The following PDE1A variants were observed in gnomAD, a reference collection of about 807,000 sequenced individuals.
The protein encoded by PDE1A is phosphodiesterase 1A, also known as dual specificity calcium/calmodulin-dependent 3',5'-cyclic nucleotide phosphodiesterase 1A.
In PDE1A, 35 loss-of-function variants were observed where a neutral mutation model predicts 61.7. That is an observed-to-expected ratio of 0.57 (90% CI 0.43 to 0.75). The LOEUF is 0.75. Ranked by LOEUF, PDE1A falls within the 30% of genes least tolerant of loss-of-function variation. The pLI, the probability that PDE1A is intolerant of heterozygous loss-of-function variation, is 0.00. For missense variants in PDE1A, 597 were observed against 630.6 expected, an observed-to-expected ratio of 0.95 and a Z score of 0.57; for synonymous variants, 232 against 213.2, an observed-to-expected ratio of 1.09 and a Z score of -0.77.
chr2:182,295,165 C>G (rs1272375518), intron 1 of PDE1A, among the ~76,000 whole-genome samples: 1 of 144,826 alleles, frequency 6.9e-6, no homozygotes, highest in Non-Finnish European at 1.5e-5. Context: ...AGCTCTGCCT[C>G]CCGAGTTCAC....
At chr2:182,428,754 A>G (rs1703768787), upstream of PDE1A, among the ~76,000 whole-genome samples, 2 of 152,156 alleles carry the variant, frequency 1.3e-5, no homozygotes, top group South Asian at 2.1e-4. Flanking sequence ...TGGTTTACCT[A>G]TATTACCATT....
intron 2 of PDE1A, among the ~76,000 whole-genome samples, chr2:182,446,444 G>C (rs1324248014): frequency 6.6e-6 from 1 of 152,098 alleles, no homozygotes; most frequent in African/African-American, 2.4e-5. Flanking sequence ...TTAAACATTT[G>C]TTAAATTGAG....
chr2:182,538,091 G>A, the PDE1A span, among the ~76,000 whole-genome samples: 5 of 152,024 alleles, frequency 3.3e-5, no homozygotes, highest in South Asian at 2.1e-4. Context: ...AACTCTTTCC[G>A]GAGTTAGGTC....
At chr2:182,364,490 A>ACAAAAAAAAAC (rs979072117) in intron 1 of PDE1A, among the ~76,000 whole-genome samples, 1 of 144,000 alleles carries the variant, frequency 6.9e-6, no homozygotes, top group South Asian at 2.3e-4. Flanking sequence ...AAAAAAAAAA[A>ACAAAAAAAAAC]AAAAAAAAAC....
chr2:182,155,975 C>G (rs1187470315), intron 13 of PDE1A, among the ~76,000 whole-genome samples: 2 of 152,170 alleles, frequency 1.3e-5, no homozygotes, highest in Non-Finnish European at 2.9e-5. Context: ...CCATGCTGTT[C>G]TCATGGTAGT....
intron 1 of PDE1A, among the ~76,000 whole-genome samples, chr2:182,347,829 AG>A (rs1698608948): frequency 6.6e-6 from 1 of 152,190 alleles, no homozygotes; most frequent in Admixed American, 6.6e-5. Context: ...TTTAACAGAG[AG>A]GATCAGAAAT....
chr2:182,151,372 T>C (rs1690770651), intron 13 of PDE1A, among the ~76,000 whole-genome samples: 1 of 152,210 alleles, frequency 6.6e-6, no homozygotes, highest in South Asian at 2.1e-4. Context: ...CCCAAAGTGC[T>C]GGGATTACAG....
exon 15 of PDE1A, chr2:182,140,971 T>C (rs1375688773): frequency 6.6e-6 from 1 of 150,994 alleles, no homozygotes; most frequent in Non-Finnish European, 1.5e-5. Flanking sequence ...TTTTTTTTAC[T>C]GTCTCTGGAA....
chr2:182,608,922 A>C, the PDE1A span, among the ~76,000 whole-genome samples: 1 of 152,216 alleles, frequency 6.6e-6, no homozygotes, highest in African/African-American at 2.4e-5. Context: ...TACCCCAATC[A>C]GCACTCTGTA....
chr2:182,601,241 C>A, the PDE1A span, among the ~76,000 whole-genome samples: 1 of 152,214 alleles, frequency 6.6e-6, no homozygotes, highest in African/African-American at 2.4e-5. Context: ...CATAGTCACA[C>A]TGGCTGCTGC....
At chr2:182,362,644 G>T (rs1182000943) in intron 1 of PDE1A, among the ~76,000 whole-genome samples, 2 of 151,812 alleles carry the variant, frequency 1.3e-5, no homozygotes, top group African/African-American at 4.8e-5. Flanking sequence ...TGTGGTTGTT[G>T]TTGTGGAAGA....
chr2:182,248,290 G>A (rs574391282), intron 2 of PDE1A, among the ~76,000 whole-genome samples: 8 of 151,202 alleles, frequency 5.3e-5, no homozygotes, highest in East Asian at 1.9e-4. Flanking sequence ...TTCTTAAAAC[G>A]TGCTATACAG....
At chr2:182,348,526 T>A (rs185652108) in intron 1 of PDE1A, among the ~76,000 whole-genome samples, 2 of 152,098 alleles carry the variant, frequency 1.3e-5, no homozygotes, top group African/African-American at 4.8e-5. Flanking sequence ...TCAGGGAATT[T>A]CTCCTGGTTC....
At chr2:182,550,401 C>A in the PDE1A span, among the ~76,000 whole-genome samples, 1,840 of 152,194 alleles carry the variant, frequency 0.012, 40 homozygotes, top group African/African-American at 0.042. Context: ...ATGCTCTGGG[C>A]AACTATTATA....
intron 1 of PDE1A, among the ~76,000 whole-genome samples, chr2:182,368,395 A>G (rs1559383498): frequency 6.7e-6 from 1 of 150,268 alleles, no homozygotes; most frequent in African/African-American, 2.5e-5. Flanking sequence ...GTCTCCTTCA[A>G]TACATAACAT....
intron 1 of PDE1A, among the ~76,000 whole-genome samples, chr2:182,418,695 T>C (rs1441358764): frequency 2.6e-5 from 4 of 152,230 alleles, no homozygotes; most frequent in African/African-American, 9.7e-5. Flanking sequence ...CCTTTGGTTA[T>C]GCCCTCGCAC....
At chr2:182,236,879 C>T (rs1421078397) in intron 3 of PDE1A, among the ~76,000 whole-genome samples, 1 of 152,102 alleles carries the variant, frequency 6.6e-6, no homozygotes, top group Non-Finnish European at 1.5e-5. Flanking sequence ...ATTACCCTTC[C>T]AAAGAGATAG....
chr2:182,260,612 C>CA (rs780049317), intron 2 of PDE1A, among the ~76,000 whole-genome samples: 15 of 152,128 alleles, frequency 9.9e-5, no homozygotes, highest in Non-Finnish European at 1.9e-4. Context: ...AAATGTTTAA[C>CA]AACAGACTCT....
chr2:182,699,736 T>C, the PDE1A span, among the ~76,000 whole-genome samples: 1 of 152,230 alleles, frequency 6.6e-6, no homozygotes, highest in African/African-American at 2.4e-5. Context: ...TGTTTTTCTT[T>C]GATGTTACCA....
Sources: gnomAD v4.1 joint callset for allele counts (sites outside exome capture counted in the v4.1 genomes callset) on GRCh38, gnomAD v4.1.1 for gene constraint, MANE v1.5 for transcripts, NCBI Gene and HGNC (gene_info 2026-07-23, HGNC 2026-07-21) for gene names.